The following ITGA3 variants were observed in gnomAD, a reference collection of about 807,000 sequenced individuals.
The protein encoded by ITGA3 is integrin subunit alpha 3.
Under a neutral mutation model 131.1 loss-of-function variants are expected in ITGA3, and 70 were observed. The observed-to-expected ratio is 0.53, with a 90% confidence interval of 0.44 to 0.65. ITGA3 has a LOEUF of 0.65. Ranked by LOEUF, ITGA3 falls within the 30% of genes least tolerant of loss-of-function variation. ITGA3 has a pLI of 0.00. For synonymous variants in ITGA3, 537 were observed against 571.6 expected, an observed-to-expected ratio of 0.94 and a Z score of 0.86; for missense variants, 1,098 against 1,388.6, an observed-to-expected ratio of 0.79 and a Z score of 3.33.
chr17:50,080,349 C>T lies in ITGA3; in HGVS notation c.2794C>T (p.Arg932Ter), dbSNP rs776593477. 6.2e-6 allele frequency: 10 copies of T among 1,612,650 alleles called. No homozygotes were observed. Among genetic ancestry groups the T allele is most frequent in the African/African-American group, 1.3e-5 (1 of 75,022 alleles). ...TGTCACCAACGTGACTGTGAAGGCA[C>T]GAGTGTGGAACAGCACCTTCATCGA... The part of the protein sequence containing the change: ...PVVTNVTVKA[R>*]VWNSTFIEDY... Residue 932 changes from arginine to a stop codon, truncating the protein, a stop_gained, in exon 22 of 26, where the codon CGA becomes TGA. Coordinates refer to ENST00000320031, the MANE Select transcript of ITGA3 (RefSeq NM_002204.4). LOFTEE classifies it high-confidence loss of function.
intron 21 of ITGA3, among the ~76,000 whole-genome samples, chr17:50,080,002 G>A (rs896761721): frequency 8.5e-5 from 13 of 152,148 alleles, no homozygotes; most frequent in Admixed American, 2.6e-4. Flanking sequence ...AGGTGTAGGC[G>A]GTTGGGCCCT....
intron 16 of ITGA3, 139 bp downstream of exon 16, chr17:50,077,586 A>G (rs1567702293): frequency 2.9e-6 from 2 of 692,210 alleles, no homozygotes; most frequent in Non-Finnish European, 5.1e-6. Context: ...GGAGAGACTC[A>G]GTAGAGGGTG....
chr17:50,071,694 G>A, intron 6 of ITGA3, 176 bp downstream of exon 6: 2 of 652,800 alleles, frequency 3.1e-6, no homozygotes, highest in Non-Finnish European at 5.2e-6. Flanking sequence ...GCATTTGTGG[G>A]ACCCCTGCGT....
chr17:50,088,185 G>A (rs746601235), intron 24 of ITGA3, 40 bp from the exon 25 acceptor site: 33 of 1,539,606 alleles, frequency 2.1e-5, no homozygotes, highest in African/African-American at 5.5e-5. Flanking sequence ...ATAGCCCAGC[G>A]CCCCCCTGAT....
Position 50,079,096 on chromosome 17 carries a change from G to T in ITGA3, c.2421G>T (p.Gly807=). 3.7e-6 allele frequency: 6 copies of T among 1,613,734 alleles called. No individual in the cohort carries two copies. Among genetic ancestry groups the T allele is most frequent in the Non-Finnish European group, 5.1e-6 (6 of 1,179,910 alleles). Residue 807 remains glycine, a synonymous_variant, in exon 20 of 26, where the codon GGG becomes GGT. Transcript: ENST00000320031. ...YEFQVGPMGE[G]LVGLGTLVLG... is the part of the protein sequence containing the mutation. ...CACAGGTGGGCCCAATGGGGGAGGGGCTGGTGGGCCTGGGGACCCTGGTCC... is the reference window on the plus strand; with the variant it reads ...CACAGGTGGGCCCAATGGGGGAGGGTCTGGTGGGCCTGGGGACCCTGGTCC...
At chr17:50,063,244 C>A (rs186191483) in intron 1 of ITGA3, among the ~76,000 whole-genome samples, 41 of 152,314 alleles carry the variant, frequency 2.7e-4, no homozygotes, top group Non-Finnish European at 5.3e-4. Flanking sequence ...CTTTCCCTCC[C>A]CACCTGCTGC....
rs777832258 is a variant in ITGA3, at chr17:50,077,040, G to C, written c.1989G>C (p.Ser663=). The C allele has an allele frequency of 3.7e-6, 6 of 1,609,640 alleles. No individual in the cohort carries two copies. Among genetic ancestry groups the C allele is most frequent in the Non-Finnish European group, 4.2e-6 (5 of 1,177,906 alleles). Residue 663 remains serine (S), a synonymous_variant, in exon 15 of 26, where the codon TCG becomes TCC. Coordinates refer to ENST00000320031, the MANE Select transcript of ITGA3 (RefSeq NM_002204.4). ...TCAACGTGACGAACACCCGGACCTC[G>C]GAGCGCTCCGGGGAGGACGCCCACG... ...LSINVTNTRT[S]ERSGEDAHEA...
At chr17:50,078,780 T>G in intron 18 of ITGA3, 44 bp from the exon 19 acceptor site, 1 of 1,206,190 alleles carries the variant, frequency 8.3e-7, no homozygotes, top group Non-Finnish European at 1.2e-6. Context: ...GCCAGGGCCC[T>G]GGTCTCTTGT....
At chr17:50,078,432 A>G (rs1285500795) in intron 18 of ITGA3, 148 bp downstream of exon 18, 5 of 633,148 alleles carry the variant, frequency 7.9e-6, no homozygotes, top group Non-Finnish European at 1.1e-5. Context: ...CCTTTTCTTA[A>G]CAACAACAAT....
In ITGA3 at chr17:50,064,140, T is replaced by C. The variant is rs1567696938; in HGVS notation, c.270T>C (p.Ala90=). The change falls in exon 2 of 26, where the codon GCT becomes GCC. Residue 90 remains alanine, a synonymous_variant. Transcript: ENST00000320031. The surrounding 1 kb of genome is among the most constrained non-coding windows in gnomAD (Gnocchi z 4.4). Reference sequence around the variant, plus strand: ...ATGGCTACACCAACCGGACTGGTGCTGTGTACCTGTGCCCACTCACTGCCC... The same window carrying C: ...ATGGCTACACCAACCGGACTGGTGCCGTGTACCTGTGCCCACTCACTGCCC... The part of the protein sequence containing the change: ...VPDGYTNRTG[A]VYLCPLTAHK... The C allele has an allele frequency of 6.2e-7, 1 of 1,611,992 alleles. No individual in the cohort carries two copies. The highest frequency in any genetic ancestry group is 1.3e-5 in the African/African-American group (1 of 74,796).
Position 50,088,205 on chromosome 17 carries a change from C to A in ITGA3, c.3046-20C>A. 1 of 1,549,568 alleles carries A rather than the reference C, an allele frequency of 6.5e-7. No individual in the cohort carries two copies. Among genetic ancestry groups the A allele is most frequent in the South Asian group, 1.2e-5 (1 of 83,838 alleles). ...CCAGCGCCCCCCTGATGGCCCGTCC[C>A]CACCTCCTCCCCTCCGCAGTGCGGC... is the stretch of plus-strand genomic sequence containing the variant. On this transcript the variant is annotated intron_variant, in intron 24 of 25. Coordinates refer to ENST00000320031, the MANE Select transcript of ITGA3 (RefSeq NM_002204.4).
intron 3 of ITGA3, among the ~76,000 whole-genome samples, chr17:50,066,190 G>C (rs1006785253): frequency 2.0e-5 from 3 of 152,012 alleles, no homozygotes; most frequent in Non-Finnish European, 4.4e-5. Flanking sequence ...GACAGGGTCT[G>C]ACTGTGTTGC....
rs774936792 is a variant in ITGA3, at chr17:50,087,827, A to C, written c.3003A>C (p.Ala1001=). Reference sequence around the variant, plus strand: ...GGCTGGTGCTGGTGGCCGTGGGTGCAGGGCTGCTGCTGCTGGGGCTGATCA... The same window carrying C: ...GGCTGGTGCTGGTGGCCGTGGGTGCCGGGCTGCTGCTGCTGGGGCTGATCA... ...ELWLVLVAVG[A]GLLLLGLIIL... The change falls in exon 24 of 26, where the codon GCA becomes GCC. Residue 1001 remains alanine, a synonymous_variant. Coordinates refer to ENST00000320031, the MANE Select transcript of ITGA3 (RefSeq NM_002204.4). The C allele has an allele frequency of 6.2e-7, 1 of 1,610,388 alleles. No homozygotes were observed. The highest frequency in any genetic ancestry group is 2.2e-5 in the East Asian group (1 of 44,800).
rs1908423773 is a variant in ITGA3, at chr17:50,068,195, G to A, written c.554G>A (p.Cys185Tyr). The change falls in exon 4 of 26, where the codon TGC (cysteine) becomes TAC (tyrosine). Residue 185 changes from cysteine (C) to tyrosine (Y), a missense_variant. Around this residue, in one of 3 missense-constraint regions of ITGA3, gnomAD observed 356 missense variants for 529.2 expected, o/e 0.67. Transcript: ENST00000320031. The part of the protein sequence containing the change: ...DDWQTYHNEM[C>Y]NSNTDYLETG... ...TGGCAGACCTACCACAACGAGATGT[G>A]CAATAGCAACACAGACTACCTGGAG... is the stretch of plus-strand genomic sequence containing the variant. 1 of 1,614,200 alleles carries A rather than the reference G, an allele frequency of 6.2e-7. No individual in the cohort carries two copies. The highest frequency in any genetic ancestry group is 8.5e-7 in the Non-Finnish European group (1 of 1,180,050).
intron 3 of ITGA3, 112 bp from the exon 4 acceptor site, chr17:50,067,941 CAGG>C: frequency 8.7e-6 from 12 of 1,372,854 alleles, no homozygotes; most frequent in Non-Finnish European, 1.1e-5. Flanking sequence ...AAGGAGAAGC[CAGG>C]AGATCTCCTT....
At chr17:50,075,349 C>A in intron 10 of ITGA3, 110 bp from the exon 11 acceptor site, 1 of 1,116,778 alleles carries the variant, frequency 9.0e-7, no homozygotes, top group Non-Finnish European at 1.3e-6. Flanking sequence ...TTTGTCCCTG[C>A]CTCTCTCCAG....
At chr17:50,073,803 A>G (rs900588256) in intron 7 of ITGA3, 113 bp from the exon 8 acceptor site, 1 of 759,520 alleles carries the variant, frequency 1.3e-6, no homozygotes, top group Admixed American at 1.9e-5. Context: ...AGCCCTGCCC[A>G]TCAATCAGGC....
chr17:50,084,122 T>C (rs1909291060), intron 23 of ITGA3, among the ~76,000 whole-genome samples: 2 of 146,452 alleles, frequency 1.4e-5, no homozygotes, highest in Admixed American at 1.4e-4. Context: ...TAATTCTAGC[T>C]ACTCAGGAGG....
At chr17:50,081,900 A>G (rs1280433601) in intron 23 of ITGA3, among the ~76,000 whole-genome samples, 3 of 152,246 alleles carry the variant, frequency 2.0e-5, no homozygotes, top group Non-Finnish European at 2.9e-5. Flanking sequence ...GAAAGGCAGG[A>G]TATCAAGGCA....
Sources: gnomAD v4.1 joint callset for allele counts (sites outside exome capture counted in the v4.1 genomes callset) on GRCh38, gnomAD v4.1.1 for gene constraint, gnomAD v4.1.1 regional missense constraint, Gnocchi (gnomAD v3.1) non-coding constraint, MANE v1.5 for transcripts, NCBI Gene and HGNC (gene_info 2026-07-23, HGNC 2026-07-21) for gene names.